Variants in CDH13 observed in about 807,000 individuals in gnomAD.
The protein encoded by CDH13 is cadherin-13.
CDH13 carries 24 observed loss-of-function variants against 63.8 expected under a neutral mutation model. The ratio of observed to expected loss-of-function variants is 0.38; its 90% CI spans 0.27 to 0.53. The LOEUF (loss-of-function observed/expected upper bound fraction) is 0.53. Among genes scored for constraint, CDH13 ranks in the 20% least tolerant of loss-of-function variants. CDH13 has a pLI of 0.85. For synonymous variants in CDH13, 503 were observed against 355.3 expected (o/e 1.42, Z -4.67); for missense variants, 1,049 against 903.1 (o/e 1.16, Z -2.07).
chr16:83,725,472 C>T (rs1910275296), intron 10 of CDH13: 1 of 152,460 alleles, frequency 6.6e-6, no homozygotes, highest in Non-Finnish European at 1.5e-5. Context: ...CTGCATCACC[C>T]ACCTTATCAC....
chr16:82,989,284 C>T (rs1911355562), intron 2 of CDH13, among the ~76,000 whole-genome samples: 1 of 152,128 alleles, frequency 6.6e-6, no homozygotes, highest in South Asian at 2.1e-4. Flanking sequence ...AAGTCTGCAT[C>T]CCTGGGTGTC....
intron 3 of CDH13, among the ~76,000 whole-genome samples, chr16:83,046,837 G>A (rs534409672): frequency 6.6e-6 from 1 of 152,234 alleles, no homozygotes; most frequent in East Asian, 1.9e-4. Flanking sequence ...AAACAATTCA[G>A]AAGGGAGGAT....
intron 8 of CDH13, among the ~76,000 whole-genome samples, chr16:83,620,532 C>T (rs1355464084): frequency 6.6e-6 from 1 of 152,160 alleles, no homozygotes; most frequent in Non-Finnish European, 1.5e-5. Flanking sequence ...AGACCCAACA[C>T]CTATGTCCTT....
chr16:83,403,362 T>A (rs559575107), intron 6 of CDH13, among the ~76,000 whole-genome samples: 101 of 152,190 alleles, frequency 6.6e-4, no homozygotes, highest in Non-Finnish European at 1.2e-3. Flanking sequence ...TCTTTAAAAA[T>A]AATGTAAATT....
chr16:82,864,972 G>A lies in CDH13; in HGVS notation c.157+6499G>A, dbSNP rs370721973. Among the ~76,000 whole-genome samples the A allele has an allele frequency of 1.4e-4, 22 of 151,994 alleles. No homozygotes were observed. In the South Asian group the frequency reaches 2.5e-3, roughly 17 times the overall value. On this transcript the variant is annotated intron_variant, in intron 2 of 13. Coordinates refer to ENST00000567109, the MANE Select transcript of CDH13 (RefSeq NM_001257.5). ...ATGGGAAAAATTGGCCAAAACGAAGGGTCTACAGGCCCCACGCAAGTCCAA... is the reference window on the plus strand; with the variant it reads ...ATGGGAAAAATTGGCCAAAACGAAGAGTCTACAGGCCCCACGCAAGTCCAA...
At chr16:83,654,978 C>G (rs533725293) in intron 8 of CDH13, 2 of 152,244 alleles carry the variant, frequency 1.3e-5, no homozygotes, top group African/African-American at 4.8e-5. Context: ...TGCTTCCTGG[C>G]ACATGGGATG....
intron 5 of CDH13, among the ~76,000 whole-genome samples, chr16:83,330,416 GGTTGCCCT>G (rs1218544305): frequency 1.3e-5 from 2 of 152,182 alleles, no homozygotes; most frequent in Non-Finnish European, 2.9e-5. Flanking sequence ...AAAACAGAAA[GGTTGCCCT>G]TGAGGTTAGA....
chr16:83,283,432 A>C (rs775848302), intron 5 of CDH13, among the ~76,000 whole-genome samples: 1 of 152,162 alleles, frequency 6.6e-6, no homozygotes, highest in Admixed American at 6.5e-5. Flanking sequence ...CTCTACTAAA[A>C]TTACAAAAAT....
Position 82,808,592 on chromosome 16 carries a change from C to G in CDH13, c.46-49770C>G, listed in dbSNP as rs10438636. Reference sequence around the variant, plus strand: ...GAAGAAGGCTCTTTTTCTGCCCTTGCAGTATAAAAATAGTTATTTATTTTT... The same window carrying G: ...GAAGAAGGCTCTTTTTCTGCCCTTGGAGTATAAAAATAGTTATTTATTTTT... On this transcript the variant is annotated intron_variant, in intron 1 of 13. Transcript: ENST00000567109. 3.6e-3 allele frequency among the ~76,000 whole-genome samples: 554 copies of G among 152,034 alleles called. 3 individuals are homozygous for G. Among genetic ancestry groups the G allele is most frequent in the African/African-American group, 0.013 (519 of 41,476 alleles).
rs1408189756 is a variant in CDH13, at chr16:83,370,319, T to C, written c.781+25313T>C. Among the ~76,000 whole-genome samples the C allele has an allele frequency of 3.4e-5, 5 of 146,052 alleles. No homozygotes were observed. In the East Asian group the frequency reaches 1.0e-3, roughly 30 times the overall value. On this transcript the variant is annotated intron_variant, in intron 6 of 13. Coordinates refer to ENST00000567109, the MANE Select transcript of CDH13 (RefSeq NM_001257.5). ...AGGAGAATGGTGTGAACCCGGGAGG[T>C]GGAGCTTGCAGTGAGCCAAGGCTGC...
chr16:82,673,504 G>A (rs934737868), intron 1 of CDH13, among the ~76,000 whole-genome samples: 1 of 152,124 alleles, frequency 6.6e-6, no homozygotes, highest in African/African-American at 2.4e-5. Flanking sequence ...GAACAAGATG[G>A]ACACAACCCC....
intron 5 of CDH13, among the ~76,000 whole-genome samples, chr16:83,265,297 C>G (rs1419423077): frequency 6.6e-6 from 1 of 152,162 alleles, no homozygotes; most frequent in African/African-American, 2.4e-5. Flanking sequence ...AATCCTTTCT[C>G]TTTTTCCTTC....
At chr16:83,711,460 G>A (rs1046252177) in intron 10 of CDH13, among the ~76,000 whole-genome samples, 5 of 152,298 alleles carry the variant, frequency 3.3e-5, no homozygotes, top group Admixed American at 2.6e-4. Context: ...TGGCTAGCAT[G>A]TGTGTGGTTG....
At chr16:83,658,959 G>T (rs1200128188) in intron 8 of CDH13, among the ~76,000 whole-genome samples, 6 of 46,648 alleles carry the variant, frequency 1.3e-4, no homozygotes, top group South Asian at 8.4e-4. Flanking sequence ...ACCAGGTCCC[G>T]TATCCTCACC....
chr16:82,897,524 C>A (rs184507949), intron 2 of CDH13, among the ~76,000 whole-genome samples: 1 of 152,224 alleles, frequency 6.6e-6, no homozygotes, highest in African/African-American at 2.4e-5. Flanking sequence ...TTTACAGCAA[C>A]GCTGGGAGCT....
intron 5 of CDH13, among the ~76,000 whole-genome samples, chr16:83,309,130 T>A (rs1380118316): frequency 6.6e-6 from 1 of 152,180 alleles, no homozygotes; most frequent in Admixed American, 6.5e-5. Context: ...TCCTGTTTCT[T>A]CTGCATGTAC....
intron 1 of CDH13, among the ~76,000 whole-genome samples, chr16:82,666,576 G>A (rs1912610278): frequency 6.6e-6 from 1 of 152,208 alleles, no homozygotes; most frequent in African/African-American, 2.4e-5. Flanking sequence ...TGGAATCTGG[G>A]ATGTCTGACA....
intron 7 of CDH13, among the ~76,000 whole-genome samples, chr16:83,545,258 C>T (rs190188538): frequency 7.2e-4 from 109 of 152,244 alleles, no homozygotes; most frequent in Admixed American, 2.1e-3. Context: ...ACTAGGAAGA[C>T]TTCACAGTAA....
chr16:83,600,993 T>G (rs79599624), intron 7 of CDH13, among the ~76,000 whole-genome samples: 1 of 152,136 alleles, frequency 6.6e-6, no homozygotes, highest in African/African-American at 2.4e-5. Context: ...CCCTGCCAAA[T>G]GCTTCCAGGT....
Sources: gnomAD v4.1 joint callset for allele counts (sites outside exome capture counted in the v4.1 genomes callset) on GRCh38, gnomAD v4.1.1 for gene constraint, MANE v1.5 for transcripts, NCBI Gene and HGNC (gene_info 2026-07-23, HGNC 2026-07-21) for gene names.